Variants in NEBL observed in about 807,000 individuals in gnomAD.
The protein encoded by NEBL is LIM and SH3 protein 2.
In NEBL, 122 loss-of-function variants were observed where a neutral mutation model predicts 140.2. The observed-to-expected ratio is 0.87, with a 90% CI of 0.75 to 1.01. The LOEUF is 1.01. Ranked by LOEUF, NEBL falls within the 50% of genes least tolerant of loss-of-function variation. The probability of loss-of-function intolerance (pLI) is 0.00; values close to 1 mark genes in which losing one functional copy is unlikely to be tolerated. For missense variants in NEBL, 1,365 were observed against 1,231.3 expected, an observed-to-expected ratio of 1.11 and a Z score of -1.62; for synonymous variants, 436 against 398.9, an observed-to-expected ratio of 1.09 and a Z score of -1.11.
At chr10:21,152,321 C>T (rs1206509394) in intron 2 of NEBL, among the ~76,000 whole-genome samples, 1 of 152,164 alleles carries the variant, frequency 6.6e-6, no homozygotes, top group Non-Finnish European at 1.5e-5. Flanking sequence ...ATTTTAAATC[C>T]GTTAGTCCCA....
intron 19 of NEBL, among the ~76,000 whole-genome samples, chr10:20,820,781 C>T (rs1444597539): frequency 9.2e-5 from 14 of 151,942 alleles, no homozygotes; most frequent in African/African-American, 1.2e-4. Context: ...ACTGAGATCA[C>T]GCCACTGCAC....
chr10:21,288,859 T>G, intron 1 of NEBL, among the ~76,000 whole-genome samples: 1 of 122,676 alleles, frequency 8.2e-6, no homozygotes, highest in Non-Finnish European at 1.7e-5. Flanking sequence ...TAAAAATTTT[T>G]TTTTTTTGAG....
chr10:20,888,121 T>C lies in NEBL; in HGVS notation c.345A>G (p.Gly115=). The change falls in exon 4 of 28, where the codon GGA becomes GGG. Residue 115 remains glycine (G), a synonymous_variant. Transcript: ENST00000377122. ...CCTCACTCTGGAGCTGTGTAACTTC[T>C]CCTGCAAAAACACTGTCAATTGTGG... The part of the protein sequence containing the change: ...MPATIDSVFA[G]EVTQLQSEVA... 5 of 1,613,080 alleles carry C rather than the reference T, an allele frequency of 3.1e-6. No individual in the cohort carries two copies. Among genetic ancestry groups the C allele is most frequent in the Non-Finnish European group, 4.2e-6 (5 of 1,179,160 alleles).
intron 3 of NEBL, among the ~76,000 whole-genome samples, chr10:21,212,191 A>G (rs1367985198): frequency 3.9e-5 from 6 of 151,910 alleles, no homozygotes; most frequent in Non-Finnish European, 8.8e-5. Flanking sequence ...TGTGTACAAT[A>G]TATGTATAAT....
At chr10:20,842,798 G>T (rs1841518699) in intron 12 of NEBL, among the ~76,000 whole-genome samples, 1 of 151,852 alleles carries the variant, frequency 6.6e-6, no homozygotes, top group Non-Finnish European at 1.5e-5. Context: ...ACCACACTGT[G>T]CACTAGATCT....
chr10:20,937,832 T>TCGCTCATTGC (rs1201890380), intron 4 of NEBL, among the ~76,000 whole-genome samples: 1 of 152,068 alleles, frequency 6.6e-6, no homozygotes, highest in Non-Finnish European at 1.5e-5. Flanking sequence ...CCATGGAGCC[T>TCGCTCATTGC]CGCTCATTGC....
At chr10:21,187,010 G>T (rs1213992428) in intron 3 of NEBL, among the ~76,000 whole-genome samples, 4 of 148,578 alleles carry the variant, frequency 2.7e-5, no homozygotes, top group Admixed American at 1.3e-4. Flanking sequence ...GTGTGTGTGT[G>T]TGTGTGTGTG....
At chr10:20,949,247 G>A (rs73607555) in intron 4 of NEBL, among the ~76,000 whole-genome samples, 1,592 of 152,182 alleles carry the variant, frequency 0.01, 20 homozygotes, top group African/African-American at 0.036. Flanking sequence ...GTCATACAAC[G>A]AGAACACACG....
Position 21,233,759 on chromosome 10 carries a change from T to TGC in NEBL, n.348+14161_348+14162insGC, listed in dbSNP as rs1471774781. Among the ~76,000 whole-genome samples, 170 of 143,118 alleles carry TGC rather than the reference T, an allele frequency of 1.2e-3. 5 individuals carry two copies. The highest frequency in any genetic ancestry group is 3.5e-3 in the South Asian group (16 of 4,618). The allele number at this position is 143,118 out of a possible 152,430, so 93.9% of individuals were successfully genotyped here. On this transcript the variant is annotated intron_variant and non_coding_transcript_variant, in intron 3 of 8. Transcript: ENST00000675702. ...TATATAGATATATATTACATATAGA[T>TGC]ATATATTACATATAAATGCATATAT...
chr10:21,126,017 G>A lies in NEBL; in HGVS notation c.164+46366C>T, dbSNP rs374510578. 5.6e-5 allele frequency: 91 copies of A among 1,614,092 alleles called. No individual in the cohort carries two copies. The African/African-American group carries it at 6.7e-4, about 12-fold the overall frequency. On this transcript the variant is annotated intron_variant, in intron 2 of 6. Transcript: ENST00000417816. ...TTGTAGAGACTGAAGCTGACTCTCC[G>A]CAGCCACCTGGCAAGCGTTGGCCAG...
Position 20,828,508 on chromosome 10 carries a change from A to T in NEBL, c.1776+22T>A, listed in dbSNP as rs754759781. ...AAACAAAATTTCAAGGTGGCAACTTAAAAGAAGTAATGGCTACTCACCGCA... is the reference window on the plus strand; with the variant it reads ...AAACAAAATTTCAAGGTGGCAACTTTAAAGAAGTAATGGCTACTCACCGCA... On this transcript the variant is annotated intron_variant, in intron 17 of 27. Transcript: ENST00000377122. 3.4e-6 allele frequency: 5 copies of T among 1,489,808 alleles called. No homozygotes were observed. In the Admixed American group the frequency reaches 5.0e-5, roughly 15 times the overall value. The allele number at this position is 1,489,808 out of a possible 1,614,324, so 92.3% of individuals were successfully genotyped here. A position where few individuals can be genotyped will look rare whatever the true frequency, so the allele number is the denominator to read the frequency against.
intron 9 of NEBL, among the ~76,000 whole-genome samples, chr10:20,857,778 T>C (rs1307320449): frequency 6.6e-6 from 1 of 152,122 alleles, no homozygotes; most frequent in East Asian, 1.9e-4. Context: ...CTAAAAGCGA[T>C]GTGTCAATGC....
chr10:20,958,865 T>C (rs1835927177), intron 4 of NEBL, among the ~76,000 whole-genome samples: 1 of 152,178 alleles, frequency 6.6e-6, no homozygotes, highest in Non-Finnish European at 1.5e-5. Flanking sequence ...CACACTCAAT[T>C]TGAAATTTAC....
chr10:21,105,707 G>T (rs998634796), intron 2 of NEBL, among the ~76,000 whole-genome samples: 6 of 152,160 alleles, frequency 3.9e-5, no homozygotes, highest in African/African-American at 4.8e-5. Flanking sequence ...TACCCAATAA[G>T]GGGATCACTG....
At chr10:20,836,729 G>A (rs994774056) in intron 13 of NEBL, among the ~76,000 whole-genome samples, 8 of 151,874 alleles carry the variant, frequency 5.3e-5, no homozygotes, top group Non-Finnish European at 1.2e-4. Flanking sequence ...ACTCTAGCAG[G>A]GACTCTGGCC....
intron 2 of NEBL, among the ~76,000 whole-genome samples, chr10:20,893,155 G>T (rs1191473652): frequency 6.6e-6 from 1 of 152,146 alleles, no homozygotes; most frequent in Non-Finnish European, 1.5e-5. Flanking sequence ...TCTGCAGAAG[G>T]CTCTTTCTGC....
At chr10:21,071,997 T>C (rs1835839092) in intron 2 of NEBL, among the ~76,000 whole-genome samples, 1 of 152,166 alleles carries the variant, frequency 6.6e-6, no homozygotes, top group Admixed American at 6.5e-5. Flanking sequence ...TTTTGTGTTT[T>C]AGTAGAGATG....
chr10:21,074,215 A>C (rs531549028), intron 2 of NEBL, among the ~76,000 whole-genome samples: 47 of 152,302 alleles, frequency 3.1e-4, no homozygotes, highest in African/African-American at 9.6e-4. Flanking sequence ...ATGTCGGTCC[A>C]TGTGCCTCAG....
rs1431092685 is a variant in NEBL at position 20,783,582 on chromosome 10, T to C, written c.*2165A>G. On this transcript the variant is annotated 3_prime_UTR_variant, in exon 28 of 28. Coordinates refer to ENST00000377122, the MANE Select transcript of NEBL (RefSeq NM_006393.3). ...CAGTTTTCATTGCGGTTCTTATAAATGTGCTATTTATCCAAAATTGTACCT... is the reference window on the plus strand; with the variant it reads ...CAGTTTTCATTGCGGTTCTTATAAACGTGCTATTTATCCAAAATTGTACCT... The C allele has an allele frequency of 6.6e-6, 1 of 152,402 alleles. No homozygotes were observed. The highest frequency in any genetic ancestry group is 1.5e-5 in the Non-Finnish European group (1 of 68,036). 9.4% of individuals were successfully genotyped at this position (152,402 alleles called of 1,614,324 possible). A position where few individuals can be genotyped will look rare whatever the true frequency, so the allele number is the denominator to read the frequency against.
Sources: allele counts gnomAD v4.1 joint callset (sites outside exome capture counted in the v4.1 genomes callset), GRCh38; gene constraint gnomAD v4.1.1; transcripts MANE v1.5; gene names NCBI Gene and HGNC (gene_info 2026-07-23, HGNC 2026-07-21).